WDR7: variants seen among roughly 807,000 people sequenced by gnomAD.
The protein encoded by WDR7 is WD repeat-containing protein 7.
WDR7 carries 46 observed loss-of-function variants against 169.4 expected under a neutral mutation model. The ratio of observed to expected loss-of-function variants is 0.27; its 90% confidence interval spans 0.21 to 0.35. The LOEUF (loss-of-function observed/expected upper bound fraction) is 0.35. Among genes scored for constraint, WDR7 ranks in the 10% least tolerant of loss-of-function variants. The pLI is 1.00. For missense variants in WDR7, 1,534 were observed against 1,859.3 expected, an observed-to-expected ratio of 0.83 and a Z score of 3.22; for synonymous variants, 612 against 666.8, an observed-to-expected ratio of 0.92 and a Z score of 1.27.
At chr18:56,753,869 G>A (rs2043832140) in intron 14 of WDR7, among the ~76,000 whole-genome samples, 1 of 151,826 alleles carries the variant, frequency 6.6e-6, no homozygotes. Context: ...CTTGAAGATT[G>A]TGCTAAAGGA....
chr18:56,788,057 T>G (rs114603166), intron 19 of WDR7, among the ~76,000 whole-genome samples: 2 of 152,268 alleles, frequency 1.3e-5, no homozygotes, highest in African/African-American at 4.8e-5. Context: ...TTCTGTGAGA[T>G]AGTTGTTTTT....
chr18:56,841,203 A>G (rs562474714), intron 20 of WDR7, among the ~76,000 whole-genome samples: 58 of 151,980 alleles, frequency 3.8e-4, no homozygotes, highest in African/African-American at 1.4e-3. Flanking sequence ...AAATAAATAA[A>G]TAATATAAAA....
At chr18:56,729,653 T>C (rs2026540136) in intron 13 of WDR7, among the ~76,000 whole-genome samples, 1 of 152,132 alleles carries the variant, frequency 6.6e-6, no homozygotes, top group Non-Finnish European at 1.5e-5. Context: ...GTTAGATATT[T>C]AGGTTTCTGA....
chr18:56,781,820 T>A, intron 19 of WDR7, 164 bp downstream of exon 19: 1 of 838,230 alleles, frequency 1.2e-6, no homozygotes, highest in Non-Finnish European at 1.6e-6. Flanking sequence ...TGAATCTCTG[T>A]AGTTTGGAAC....
At chr18:56,818,531 G>A (rs190839411) in intron 20 of WDR7, among the ~76,000 whole-genome samples, 47 of 152,162 alleles carry the variant, frequency 3.1e-4, no homozygotes, top group South Asian at 1.2e-3. Flanking sequence ...TTCAATATCC[G>A]AAGAACTTAA....
chr18:56,975,524 T>G (rs1599211148), intron 26 of WDR7, among the ~76,000 whole-genome samples: 3 of 152,140 alleles, frequency 2.0e-5, no homozygotes, highest in Non-Finnish European at 4.4e-5. Flanking sequence ...CTTTATAGTT[T>G]GGAGTGTCAT....
chr18:56,828,770 T>C (rs1300518640), intron 20 of WDR7, among the ~76,000 whole-genome samples: 2 of 152,090 alleles, frequency 1.3e-5, no homozygotes, highest in African/African-American at 4.8e-5. Context: ...AAAATTCAAC[T>C]AAATGTGAGA....
At chr18:56,782,339 A>G (rs184468905) in intron 19 of WDR7, among the ~76,000 whole-genome samples, 2 of 152,186 alleles carry the variant, frequency 1.3e-5, no homozygotes, top group African/African-American at 2.4e-5. Context: ...GGTTTGTTTT[A>G]TATTTTTCTA....
At chr18:56,720,470 A>T (rs188560000) in intron 13 of WDR7, among the ~76,000 whole-genome samples, 2 of 151,732 alleles carry the variant, frequency 1.3e-5, no homozygotes, top group African/African-American at 2.4e-5. Context: ...AACAAAAAAA[A>T]CCCTATAACT....
At chr18:56,829,501 C>T (rs1036357760) in intron 20 of WDR7, among the ~76,000 whole-genome samples, 6 of 152,098 alleles carry the variant, frequency 3.9e-5, no homozygotes, top group African/African-American at 1.4e-4. Flanking sequence ...GTTCCATTTT[C>T]CAGGGTAGGC....
chr18:56,929,202 G>A (rs1417810001), intron 22 of WDR7, among the ~76,000 whole-genome samples: 1 of 152,078 alleles, frequency 6.6e-6, no homozygotes, highest in Non-Finnish European at 1.5e-5. Flanking sequence ...CTTGAGCACA[G>A]GAGGTCAAGG....
rs542760560 is a variant in WDR7, at chr18:56,696,522, A to C, written c.1578+60A>C. 85 of 1,321,520 alleles carry C rather than the reference A, an allele frequency of 6.4e-5. No individual in the cohort carries two copies. In the African/African-American group the frequency reaches 1.1e-3, roughly 17 times the overall value. 81.9% of individuals were successfully genotyped at this position (1,321,520 alleles called of 1,614,324 possible). ...GGTAGAGCCAAGTTATATTACTATCAGGAATGTAAATGGAATCTAGACTAA... is the reference window on the plus strand; with the variant it reads ...GGTAGAGCCAAGTTATATTACTATCCGGAATGTAAATGGAATCTAGACTAA... On this transcript the variant is annotated intron_variant, in intron 12 of 27. Transcript: ENST00000254442.
chr18:56,967,546 C>A (rs546669477), intron 26 of WDR7, among the ~76,000 whole-genome samples: 1 of 152,222 alleles, frequency 6.6e-6, no homozygotes, highest in Admixed American at 6.5e-5. Flanking sequence ...TGAAAATCTT[C>A]CCTCTATCAA....
In WDR7 at chr18:56,756,684, G is replaced by C. The variant is rs774628211; in HGVS notation, c.2091G>C (p.Ala697=). The change falls in exon 15 of 28, where the codon GCG becomes GCC. Residue 697 remains alanine (A), a synonymous_variant. Coordinates refer to ENST00000254442, the MANE Select transcript of WDR7 (RefSeq NM_015285.3). ...ATGTGCTATTCTTTGATGTGGAAGC[G>C]TTGATTATTCAACTCCTGACTGAAG... ...DIHVLFFDVE[A]LIIQLLTEEA... 5 of 1,614,098 alleles carry C rather than the reference G, an allele frequency of 3.1e-6. No homozygotes were observed. Among genetic ancestry groups the C allele is most frequent in the Non-Finnish European group, 4.2e-6 (5 of 1,180,010 alleles).
At chr18:56,745,618 G>A (rs2043690505) in intron 14 of WDR7, among the ~76,000 whole-genome samples, 2 of 152,058 alleles carry the variant, frequency 1.3e-5, no homozygotes, top group South Asian at 4.1e-4. Context: ...TCACTTGCCC[G>A]CCGCTCAGCT....
At chr18:56,873,122 T>C (rs2045975587) in intron 20 of WDR7, among the ~76,000 whole-genome samples, 1 of 152,174 alleles carries the variant, frequency 6.6e-6, no homozygotes, top group Non-Finnish European at 1.5e-5. Flanking sequence ...TTCCTTGTTC[T>C]TTTTTACCTC....
chr18:56,678,301 T>C (rs1052186493), intron 2 of WDR7, among the ~76,000 whole-genome samples: 13 of 152,190 alleles, frequency 8.5e-5, no homozygotes, highest in African/African-American at 3.1e-4. Flanking sequence ...TTTGGTGAGG[T>C]TGTGTTTTCC....
At chr18:56,838,957 A>G (rs1184062283) in intron 20 of WDR7, among the ~76,000 whole-genome samples, 2 of 152,204 alleles carry the variant, frequency 1.3e-5, no homozygotes, top group African/African-American at 2.4e-5. Flanking sequence ...GTGTATGATT[A>G]TTTTAAAGAT....
intron 25 of WDR7, among the ~76,000 whole-genome samples, chr18:56,940,150 G>A (rs976123839): frequency 2.6e-5 from 4 of 151,928 alleles, no homozygotes; most frequent in Non-Finnish European, 5.9e-5. Context: ...AATTGTTTTT[G>A]TAGAAAACAG....
Sources: gnomAD v4.1 joint callset for allele counts (sites outside exome capture counted in the v4.1 genomes callset) on GRCh38, gnomAD v4.1.1 for gene constraint, MANE v1.5 for transcripts, NCBI Gene and HGNC (gene_info 2026-07-23, HGNC 2026-07-21) for gene names.